The following PGAP1 variants were observed in gnomAD, a reference collection of about 807,000 sequenced individuals.
The protein encoded by PGAP1 is GPI inositol-deacylase.
A neutral mutation model predicts 127.0 loss-of-function variants in PGAP1; 76 were observed. The ratio of observed to expected loss-of-function variants is 0.60; its 90% CI spans 0.50 to 0.72. The LOEUF (loss-of-function observed/expected upper bound fraction) is 0.72, where lower values mean the gene tolerates loss of function less well. Among genes scored for constraint, PGAP1 ranks in the 30% least tolerant of loss-of-function variants. PGAP1 has a pLI of 0.00. For synonymous variants in PGAP1, 362 were observed against 366.5 expected, an observed-to-expected ratio of 0.99 and a Z score of 0.14; for missense variants, 982 against 1,071.3, an observed-to-expected ratio of 0.92 and a Z score of 1.16.
chr2:196,846,409 A>C (rs1388511437), intron 22 of PGAP1, among the ~76,000 whole-genome samples: 3 of 152,112 alleles, frequency 2.0e-5, no homozygotes, highest in Non-Finnish European at 4.4e-5. Context: ...CCCCTATCTG[A>C]AGCATCTCAG....
chr2:196,891,444 T>C (rs1448199020), intron 9 of PGAP1, among the ~76,000 whole-genome samples: 1 of 152,104 alleles, frequency 6.6e-6, no homozygotes, highest in Non-Finnish European at 1.5e-5. Context: ...GGAACTTAAC[T>C]TGAAATGGTT....
chr2:196,895,000 T>C (rs889164317), intron 7 of PGAP1, among the ~76,000 whole-genome samples: 1 of 152,190 alleles, frequency 6.6e-6, no homozygotes, highest in African/African-American at 2.4e-5. Context: ...TCCCTGAATA[T>C]ATATGTTCTG....
At position 196,845,882 on chromosome 2, in the gene PGAP1, C is replaced by T; in HGVS notation, c.2286G>A (p.Lys762=). Residue 762 remains lysine (K), a splice_region_variant and synonymous_variant, in exon 23 of 27, where the codon AAG becomes AAA. Coordinates refer to ENST00000354764, the MANE Select transcript of PGAP1 (RefSeq NM_024989.4). ...TTTTGGCTTTACTGATTTGACATAC[C>T]TTAAACACATAGTAAAGATAAGAAA... ...ILLSYLYYVF[K]VVHLQASLTT... 7.5e-6 allele frequency: 12 copies of T among 1,603,416 alleles called. No individual in the cohort carries two copies. The highest frequency in any genetic ancestry group is 1.0e-5 in the Non-Finnish European group (12 of 1,173,970).
chr2:196,847,787 T>C (rs1412806853), intron 21 of PGAP1, 160 bp downstream of exon 21: 1 of 486,398 alleles, frequency 2.1e-6, no homozygotes, highest in Non-Finnish European at 3.6e-6. Flanking sequence ...TAGACATTGA[T>C]ATACTTATTA....
At chr2:196,887,209 C>A (rs1701940321) in intron 10 of PGAP1, among the ~76,000 whole-genome samples, 1 of 151,782 alleles carries the variant, frequency 6.6e-6, no homozygotes, top group South Asian at 2.1e-4. Flanking sequence ...ACGGTGAAAC[C>A]CCGTCTCTGC....
chr2:196,882,002 A>T (rs1247978262), intron 12 of PGAP1, among the ~76,000 whole-genome samples: 3 of 152,054 alleles, frequency 2.0e-5, no homozygotes, highest in Non-Finnish European at 2.9e-5. Context: ...CTTGTTTTTA[A>T]TCCATCCTGA....
At chr2:196,886,757 G>C (rs1365167947) in intron 10 of PGAP1, among the ~76,000 whole-genome samples, 1 of 151,906 alleles carries the variant, frequency 6.6e-6, no homozygotes, top group Non-Finnish European at 1.5e-5. Context: ...GAGTGCAGTG[G>C]CACAATCTCG....
At chr2:196,880,860 CTT>C (rs1559350893) in intron 12 of PGAP1, among the ~76,000 whole-genome samples, 3 of 152,012 alleles carry the variant, frequency 2.0e-5, no homozygotes, top group Admixed American at 1.3e-4. Context: ...TGTTTTCTTT[CTT>C]GTTTTAATTT....
chr2:196,845,041 C>A (rs1292999898), intron 23 of PGAP1, among the ~76,000 whole-genome samples: 1 of 151,678 alleles, frequency 6.6e-6, no homozygotes, highest in Non-Finnish European at 1.5e-5. Flanking sequence ...TTTATAAGAA[C>A]TGAAAAAAAT....
At chr2:196,865,485 G>C (rs1701210451) in intron 19 of PGAP1, among the ~76,000 whole-genome samples, 1 of 152,006 alleles carries the variant, frequency 6.6e-6, no homozygotes, top group Non-Finnish European at 1.5e-5. Flanking sequence ...CAACTAACTT[G>C]TATAATTTAA....
intron 10 of PGAP1, 44 bp downstream of exon 10, chr2:196,890,782 AAC>A (rs1426354041): frequency 9.1e-7 from 1 of 1,093,248 alleles, no homozygotes; most frequent in Non-Finnish European, 1.4e-6. Context: ...AAAAATGAAC[AAC>A]AGTTAGCCTC....
intron 10 of PGAP1, among the ~76,000 whole-genome samples, chr2:196,889,924 T>C (rs1229533781): frequency 6.6e-6 from 1 of 151,244 alleles, no homozygotes; most frequent in Non-Finnish European, 1.5e-5. Flanking sequence ...ATTGAAGTAC[T>C]ACTTAACCTT....
rs57341501 is a variant in PGAP1 at position 196,834,305 on chromosome 2, T to A, written c.*6929A>T. ...TTAAGGGAGGCCTCTACAGCAATAG[T>A]TCTGGAAATACTAAAGGAAATACCA... On this transcript the variant is annotated 3_prime_UTR_variant, in exon 27 of 27. Transcript: ENST00000354764. 15,562 of 152,388 alleles carry A rather than the reference T, an allele frequency of 0.1. 968 individuals carry two copies. Among genetic ancestry groups the A allele is most frequent in the African/African-American group, 0.17 (7,181 of 41,542 alleles). The allele number at this position is 152,388 out of a possible 1,614,324, so 9.4% of individuals were successfully genotyped here.
At position 196,885,416 on chromosome 2, in the gene PGAP1, T is replaced by C. The variant is rs768040345; in HGVS notation, c.1272+8A>G. Reference sequence around the variant, plus strand: ...ACTGAATATTAAAATTCTGAAGCCATAATTTACCTTAATTGTTGGCAGCAG... The same window carrying C: ...ACTGAATATTAAAATTCTGAAGCCACAATTTACCTTAATTGTTGGCAGCAG... On this transcript the variant is annotated splice_region_variant and intron_variant, in intron 12 of 26. Transcript: ENST00000354764. 5.1e-6 allele frequency: 8 copies of C among 1,583,744 alleles called. No homozygotes were observed. The highest frequency in any genetic ancestry group is 6.9e-6 in the Non-Finnish European group (8 of 1,160,438).
rs1424584887 is a variant in PGAP1, at chr2:196,890,921, G to C, written c.1090-10C>G. ...ATATCTTCTCAGATTCCTACAAAAA[G>C]AAGGAAAACACTCAATATAGCTGTA... On this transcript the variant is annotated splice_polypyrimidine_tract_variant and intron_variant, in intron 9 of 26. Coordinates refer to ENST00000354764, the MANE Select transcript of PGAP1 (RefSeq NM_024989.4). 1 of 1,385,670 alleles carries C rather than the reference G, an allele frequency of 7.2e-7. No homozygotes were observed. Among genetic ancestry groups the C allele is most frequent in the African/African-American group, 1.4e-5 (1 of 70,084 alleles). 85.8% of individuals were successfully genotyped at this position (1,385,670 alleles called of 1,614,324 possible).
chr2:196,874,008 G>A (rs1020059066), intron 14 of PGAP1: 2 of 333,986 alleles, frequency 6.0e-6, no homozygotes, highest in Non-Finnish European at 1.1e-5. Flanking sequence ...TTTCAGAAAG[G>A]TGTACTTTCT....
intron 14 of PGAP1, among the ~76,000 whole-genome samples, chr2:196,874,817 C>T (rs915244282): frequency 3.9e-5 from 6 of 152,094 alleles, no homozygotes; most frequent in African/African-American, 1.4e-4. Flanking sequence ...AGTCTGAGAC[C>T]AGCCTGGGCA....
intron 20 of PGAP1, among the ~76,000 whole-genome samples, chr2:196,859,915 A>G (rs577763857): frequency 1.2e-4 from 18 of 151,778 alleles, no homozygotes; most frequent in African/African-American, 2.2e-4. Flanking sequence ...ACAAAATGGG[A>G]AAAAAAAATT....
Position 196,885,471 on chromosome 2 carries a change from G to T in PGAP1, c.1225C>A (p.Gln409Lys), listed in dbSNP as rs1701868212. The part of the protein sequence containing the change: ...ACINSTSMCL[Q>K]GVDLSWKAEL... ...GCTTTCCATGATAAATCAACCCCTT[G>T]CAGGCTTTGAAATAAATATGAAAAT... The change falls in exon 12 of 27, where the codon CAA (glutamine) becomes AAA (lysine). Residue 409 changes from glutamine (Q) to lysine (K), a missense_variant. Gln to Lys is a moderately conservative substitution (Grantham distance 53, BLOSUM62 1). Transcript: ENST00000354764. 1 of 1,593,906 alleles carries T rather than the reference G, an allele frequency of 6.3e-7. No individual in the cohort carries two copies. The highest frequency in any genetic ancestry group is 8.6e-7 in the Non-Finnish European group (1 of 1,167,870).
Sources: gnomAD v4.1 joint callset for allele counts (sites outside exome capture counted in the v4.1 genomes callset) on GRCh38, gnomAD v4.1.1 for gene constraint, MANE v1.5 for transcripts, NCBI Gene and HGNC (gene_info 2026-07-23, HGNC 2026-07-21) for gene names.